The following ZMYND11 variants were observed in gnomAD, a reference collection of about 807,000 sequenced individuals.
ZMYND11 encodes the protein zinc finger MYND domain-containing protein 11.
ZMYND11 carries 9 observed loss-of-function variants against 84.9 expected under a neutral mutation model. The observed-to-expected ratio is 0.11, with a 90% confidence interval of 0.06 to 0.18. ZMYND11 has a LOEUF of 0.18. Ranked by LOEUF, ZMYND11 falls within the 10% of genes least tolerant of loss-of-function variation. The pLI, the probability that ZMYND11 is intolerant of heterozygous loss-of-function variation, is 1.00. For synonymous variants in ZMYND11, 250 were observed against 244.1 expected, an observed-to-expected ratio of 1.02 and a Z score of -0.23; for missense variants, 409 against 761.0, an observed-to-expected ratio of 0.54 and a Z score of 5.44.
chr10:210,013 G>C lies in ZMYND11; in HGVS notation c.241G>C (p.Glu81Gln), dbSNP rs779360910. 5 of 1,614,070 alleles carry C rather than the reference G, an allele frequency of 3.1e-6. No individual in the cohort carries two copies. The highest frequency in any genetic ancestry group is 4.2e-6 in the Non-Finnish European group (5 of 1,179,968). ...CTGCAAAGGTTCAAAAGCTGGTATT[G>C]AACAAGAAGGATATTGGTTGCCAGG... is the stretch of plus-strand genomic sequence containing the variant. ...VGCKGSKAGI[E>Q]QEGYWLPGDE... is the part of the protein sequence containing the mutation. The change falls in exon 3 of 15, where the codon GAA becomes CAA. Residue 81 changes from glutamate to glutamine, a missense_variant. Glu to Gln is a conservative substitution (Grantham distance 29). Around this residue, in one of 7 missense-constraint regions of ZMYND11, gnomAD observed 73 missense variants for 185.8 expected, o/e 0.39. Coordinates refer to ENST00000381604, the MANE Select transcript of ZMYND11 (RefSeq NM_001370100.5).
At chr10:186,642 C>CAAAAAAAAAAAAAAAAAAAA (rs56345833) in intron 2 of ZMYND11, among the ~76,000 whole-genome samples, 2 of 95,156 alleles carry the variant, frequency 2.1e-5, no homozygotes, top group East Asian at 2.9e-4. Context: ...AGGACTCTCT[C>CAAAAAAAAAAAAAAAAAAAA]AAAAAAAAAA....
At chr10:143,727 A>G (rs1363856349) in intron 1 of ZMYND11, among the ~76,000 whole-genome samples, 26 of 152,222 alleles carry the variant, frequency 1.7e-4, no homozygotes, top group Admixed American at 1.7e-3. Context: ...AAAGTACCAG[A>G]GATCTTTTAT....
intron 1 of ZMYND11, among the ~76,000 whole-genome samples, chr10:138,453 A>G (rs1554752969): frequency 6.6e-6 from 1 of 152,182 alleles, no homozygotes; most frequent in African/African-American, 2.4e-5. Context: ...GCATGTTTCA[A>G]TGAATGACAT....
chr10:233,080 T>C (rs1384955012), intron 4 of ZMYND11, among the ~76,000 whole-genome samples: 6 of 152,334 alleles, frequency 3.9e-5, no homozygotes, highest in African/African-American at 1.2e-4. Flanking sequence ...CTTAGGAAGT[T>C]GGTGCAGTGC....
intron 2 of ZMYND11, among the ~76,000 whole-genome samples, chr10:195,528 T>G (rs1941521803): frequency 6.6e-6 from 1 of 152,228 alleles, no homozygotes; most frequent in African/African-American, 2.4e-5. Flanking sequence ...CAATATGGGT[T>G]AATTTCAGAT....
At chr10:146,607 G>A (rs1838914762) in intron 1 of ZMYND11, among the ~76,000 whole-genome samples, 1 of 152,100 alleles carries the variant, frequency 6.6e-6, no homozygotes, top group African/African-American at 2.4e-5. Flanking sequence ...TACTCCTAGG[G>A]TTTTGTTGTT....
chr10:144,419 G>C (rs886829469), intron 1 of ZMYND11, among the ~76,000 whole-genome samples: 13 of 151,852 alleles, frequency 8.6e-5, no homozygotes, highest in Non-Finnish European at 1.8e-4. Flanking sequence ...GGAGAGTTTT[G>C]CCATGTTGCC....
chr10:208,419 C>G (rs1409928819), intron 2 of ZMYND11, among the ~76,000 whole-genome samples: 1 of 152,174 alleles, frequency 6.6e-6, no homozygotes, highest in African/African-American at 2.4e-5. Context: ...TATCCAGAAT[C>G]TACAGTGAAC....
At chr10:187,108 A>G (rs1266481194) in intron 2 of ZMYND11, among the ~76,000 whole-genome samples, 1 of 152,052 alleles carries the variant, frequency 6.6e-6, no homozygotes, top group Non-Finnish European at 1.5e-5. Context: ...GCGTGCCTGT[A>G]GTCTCAGCTT....
At chr10:197,330 T>G (rs1942068951) in intron 2 of ZMYND11, among the ~76,000 whole-genome samples, 1 of 152,138 alleles carries the variant, frequency 6.6e-6, no homozygotes, top group Non-Finnish European at 1.5e-5. Context: ...ACACATGGTA[T>G]ATTTCATTGG....
intron 2 of ZMYND11, among the ~76,000 whole-genome samples, chr10:206,614 T>C (rs1944220307): frequency 6.6e-6 from 1 of 152,162 alleles, no homozygotes; most frequent in Admixed American, 6.5e-5. Context: ...TTCATTTAGG[T>C]AGCATTTTTA....
At chr10:200,811 T>G (rs1314186069) in intron 2 of ZMYND11, among the ~76,000 whole-genome samples, 1 of 152,194 alleles carries the variant, frequency 6.6e-6, no homozygotes, top group Non-Finnish European at 1.5e-5. Flanking sequence ...GAAAAATTGT[T>G]TTCCTGTTTT....
At chr10:161,931 G>T (rs1229380252) in intron 1 of ZMYND11, among the ~76,000 whole-genome samples, 5 of 152,144 alleles carry the variant, frequency 3.3e-5, no homozygotes, top group Non-Finnish European at 7.4e-5. Context: ...TTTCCTTCAA[G>T]AACTTTACCT....
At chr10:226,535 T>C (rs1948167439) in intron 4 of ZMYND11, among the ~76,000 whole-genome samples, 2 of 152,208 alleles carry the variant, frequency 1.3e-5, no homozygotes, top group South Asian at 4.1e-4. Flanking sequence ...ATTCATGTTA[T>C]TGCCCCTATT....
intron 1 of ZMYND11, among the ~76,000 whole-genome samples, chr10:164,310 A>G (rs1011923620): frequency 1.3e-5 from 2 of 151,942 alleles, no homozygotes; most frequent in Admixed American, 6.6e-5. Context: ...CTCTTTCACT[A>G]TTTAAGTCTT....
chr10:246,831 G>A lies in ZMYND11; in HGVS notation c.1016G>A (p.Arg339His), dbSNP rs765923184. 7 of 1,614,088 alleles carry A rather than the reference G, an allele frequency of 4.3e-6. No homozygotes were observed. Among genetic ancestry groups the A allele is most frequent in the Admixed American group, 1.7e-5 (1 of 60,014 alleles). The change falls in exon 11 of 15, where the codon CGC (arginine) becomes CAC (histidine). Residue 339 changes from arginine (R) to histidine (H), a missense_variant. Physicochemically the swap from Arg to His is conservative, Grantham distance 29. Coordinates refer to ENST00000381604, the MANE Select transcript of ZMYND11 (RefSeq NM_001370100.5). ...TVNIHRLHVKRSMGWKKACDE... is the reference protein window; with the variant it reads ...TVNIHRLHVKHSMGWKKACDE... ...AACATTCATCGGCTGCACGTGAAGC[G>A]CAGTATGGGTTGGAAAAAGGCCTGT...
intron 1 of ZMYND11, among the ~76,000 whole-genome samples, chr10:162,072 C>G (rs1588555342): frequency 6.6e-6 from 1 of 152,146 alleles, no homozygotes; most frequent in Non-Finnish European, 1.5e-5. Context: ...AGATGTGACT[C>G]TTCGTTCACT....
chr10:137,847 A>G (rs1836484523), intron 1 of ZMYND11, among the ~76,000 whole-genome samples: 2 of 152,208 alleles, frequency 1.3e-5, no homozygotes. Context: ...TGATTATGAC[A>G]GAATCAAAAT....
chr10:232,144 G>C (rs1949109886), intron 4 of ZMYND11, among the ~76,000 whole-genome samples: 1 of 152,188 alleles, frequency 6.6e-6, no homozygotes, highest in Non-Finnish European at 1.5e-5. Context: ...AGAGCTATCT[G>C]CTTAGTTTAC....
Sources: allele counts gnomAD v4.1 joint callset (sites outside exome capture counted in the v4.1 genomes callset), GRCh38; gene constraint gnomAD v4.1.1; regional missense constraint gnomAD v4.1.1; transcripts MANE v1.5; gene names NCBI Gene and HGNC (gene_info 2026-07-23, HGNC 2026-07-21).